ZNF268: variants seen among roughly 807,000 people sequenced by gnomAD.
ZNF268 encodes zinc finger protein 3.
A neutral mutation model predicts 29.3 loss-of-function variants in ZNF268; 20 were observed. The observed-to-expected ratio is 0.68, with a 90% CI of 0.48 to 0.99. ZNF268 has a LOEUF of 0.99. Among genes scored for constraint, ZNF268 ranks in the 50% least tolerant of loss-of-function variants. The pLI is 0.00. For synonymous variants in ZNF268, 429 were observed against 376.9 expected (o/e 1.14, Z -1.60); for missense variants, 1,240 against 1,121.6 (o/e 1.11, Z -1.51).
rs1343948566 is a variant in ZNF268 at position 133,205,175 on chromosome 12, C to CAAAAAAAAAAAAAAAAAAAAAAAAA, written c.*647_*648insAAAAAAAAAAAAAAAAAAAAAAAAA. The CAAAAAAAAAAAAAAAAAAAAAAAAA allele has an allele frequency of 7.3e-4, 16 of 21,790 alleles. No individual in the cohort carries two copies. The highest frequency in any genetic ancestry group is 1.7e-3 in the Non-Finnish European group (13 of 7,764). The allele number at this position is 21,790 out of a possible 1,614,324, so 1.3% of individuals were successfully genotyped here. A position where few individuals can be genotyped will look rare whatever the true frequency, so the allele number is the denominator to read the frequency against. ...AAAAAAAAAAAAAAAAAAAAAAAAC[C>CAAAAAAAAAAAAAAAAAAAAAAAAA]AACCTGTTATTATATCTTAATATTA... is the stretch of plus-strand genomic sequence containing the variant. On this transcript the variant is annotated 3_prime_UTR_variant, in exon 6 of 6. Transcript: ENST00000536435.
intron 5 of ZNF268, among the ~76,000 whole-genome samples, chr12:133,199,830 T>C (rs1015831622): frequency 1.3e-5 from 2 of 152,202 alleles, no homozygotes; most frequent in Non-Finnish European, 2.9e-5. Context: ...CATAGAGGTG[T>C]TTGTAGCATT....
chr12:133,182,515 A>G (rs1385185696), intron 2 of ZNF268, among the ~76,000 whole-genome samples: 2 of 152,184 alleles, frequency 1.3e-5, no homozygotes, highest in African/African-American at 4.8e-5. Flanking sequence ...AAAGACAATG[A>G]CAAGTTAATG....
chr12:133,186,417 C>G (rs1036378879), intron 2 of ZNF268, among the ~76,000 whole-genome samples: 1 of 149,608 alleles, frequency 6.7e-6, no homozygotes, highest in Non-Finnish European at 1.5e-5. Context: ...GAGTCTCACT[C>G]TGTTGCCCAG....
Position 133,203,628 on chromosome 12 carries a change from G to C in ZNF268, c.1942G>C (p.Ala648Pro). ...CTATAGTTGTAATGAATGTGGAAAA[G>C]CCTTTACGTTCAAATCACAGCTCAT... ...KPYSCNECGK[A>P]FTFKSQLIVH... The change falls in exon 6 of 6, where the codon GCC (alanine) becomes CCC (proline). Residue 648 changes from alanine (A) to proline (P), a missense_variant. Transcript: ENST00000536435. 1 of 1,565,330 alleles carries C rather than the reference G, an allele frequency of 6.4e-7. No homozygotes were observed. Among genetic ancestry groups the C allele is most frequent in the Non-Finnish European group, 8.6e-7 (1 of 1,159,234 alleles).
intron 2 of ZNF268, 99 bp from the exon 3 acceptor site, chr12:133,187,773 T>C (rs900452113): frequency 3.3e-6 from 4 of 1,207,386 alleles, no homozygotes. Flanking sequence ...TGCCTTGTTT[T>C]CTAACGTGTT....
intron 3 of ZNF268, among the ~76,000 whole-genome samples, chr12:133,189,249 C>T (rs1185657052): frequency 2.2e-5 from 3 of 136,748 alleles, no homozygotes; most frequent in Non-Finnish European, 3.1e-5. Context: ...GAGTCTTGCT[C>T]TGTCACTCAG....
In ZNF268 at chr12:133,204,560, C is replaced by T; in HGVS notation, c.*30C>T. 3 of 1,425,310 alleles carry T rather than the reference C, an allele frequency of 2.1e-6. No individual in the cohort carries two copies. Among genetic ancestry groups the T allele is most frequent in the Non-Finnish European group, 2.8e-6 (3 of 1,078,822 alleles). The allele number at this position is 1,425,310 out of a possible 1,614,324, so 88.3% of individuals were successfully genotyped here. A position where few individuals can be genotyped will look rare whatever the true frequency, so the allele number is the denominator to read the frequency against. On this transcript the variant is annotated 3_prime_UTR_variant, in exon 6 of 6. Transcript: ENST00000536435. ...TTTACGAAACTCTGAAAAGTGGATT[C>T]ACAAGAGATAGAAACAATCATATAT... is the stretch of plus-strand genomic sequence containing the variant.
At chr12:133,188,984 C>A (rs1021759346) in intron 3 of ZNF268, among the ~76,000 whole-genome samples, 3 of 151,946 alleles carry the variant, frequency 2.0e-5, no homozygotes, top group African/African-American at 4.8e-5. Flanking sequence ...TCATAAAGAT[C>A]TTTTTCTTTA....
intron 5 of ZNF268, 103 bp downstream of exon 5, chr12:133,192,106 A>ATT: frequency 1.3e-6 from 1 of 768,956 alleles, no homozygotes; most frequent in Non-Finnish European, 1.9e-6. Flanking sequence ...ATTACCATGC[A>ATT]CTTTTTTTTT....
rs1957006054 is a variant in ZNF268, at chr12:133,212,641, C to T, written c.*8111C>T. 1 of 151,732 alleles carries T rather than the reference C, an allele frequency of 6.6e-6. No homozygotes were observed. Among genetic ancestry groups the T allele is most frequent in the African/African-American group, 2.4e-5 (1 of 41,246 alleles). The allele number at this position is 151,732 out of a possible 1,614,324, so 9.4% of individuals were successfully genotyped here. ...TTCAGTGGCATGAAGTACATTATTTCCATTATTGTGCAACTATCATTTTAC... is the reference window on the plus strand; with the variant it reads ...TTCAGTGGCATGAAGTACATTATTTTCATTATTGTGCAACTATCATTTTAC... On this transcript the variant is annotated 3_prime_UTR_variant, in exon 6 of 6. Coordinates refer to ENST00000536435, the MANE Select transcript of ZNF268 (RefSeq NM_003415.3).
chr12:133,188,152 T>G (rs1458385393), intron 3 of ZNF268, 80 bp downstream of exon 3: 22 of 1,306,368 alleles, frequency 1.7e-5, no homozygotes, highest in Non-Finnish European at 2.3e-5. Flanking sequence ...TGGAGATCCT[T>G]AGGTCAGAGG....
At chr12:133,190,270 T>C (rs918264304) in intron 3 of ZNF268, among the ~76,000 whole-genome samples, 7 of 152,254 alleles carry the variant, frequency 4.6e-5, no homozygotes, top group African/African-American at 1.4e-4. Flanking sequence ...TTGTCATGTG[T>C]GTCTTCTATT....
chr12:133,204,601 A>C lies in ZNF268; in HGVS notation c.*71A>C. ...AATCATATATAAAGAGAAACTCTGT[A>C]AGTGGAATCATCTTGTCATCTTCCA... On this transcript the variant is annotated 3_prime_UTR_variant, in exon 6 of 6. Transcript: ENST00000536435. 2 of 1,170,184 alleles carry C rather than the reference A, an allele frequency of 1.7e-6. No individual in the cohort carries two copies. The highest frequency in any genetic ancestry group is 2.3e-6 in the Non-Finnish European group (2 of 861,054). The allele number at this position is 1,170,184 out of a possible 1,614,324, so 72.5% of individuals were successfully genotyped here. A position where few individuals can be genotyped will look rare whatever the true frequency, so the allele number is the denominator to read the frequency against.
At position 133,185,784 on chromosome 12, in the gene ZNF268, G is replaced by A. The variant is rs1423626250; in HGVS notation, c.34-2088G>A. Among the ~76,000 whole-genome samples, 4 of 152,324 alleles carry A rather than the reference G, an allele frequency of 2.6e-5. No homozygotes were observed. In the East Asian group the frequency reaches 7.7e-4, roughly 29 times the overall value. On this transcript the variant is annotated intron_variant, in intron 2 of 5. Transcript: ENST00000536435. ...ACTAGGTGACCACGTTCAGACAAGA[G>A]GTAGCAGGGATTTTGTGTAGTGTGG...
At chr12:133,192,398 G>A (rs558472870) in intron 5 of ZNF268, among the ~76,000 whole-genome samples, 10 of 152,090 alleles carry the variant, frequency 6.6e-5, no homozygotes, top group Admixed American at 2.0e-4. Context: ...GTGAGCCAGC[G>A]TGCCCGGCCT....
chr12:133,204,052 T>A lies in ZNF268; in HGVS notation c.2366T>A (p.Phe789Tyr). Residue 789 changes from phenylalanine (F) to tyrosine (Y), a missense_variant, in exon 6 of 6, where the codon TTT (phenylalanine) becomes TAT (tyrosine). Transcript: ENST00000536435. ...PYGCSECGKAFSSKSYLIIHM... is the reference protein window; with the variant it reads ...PYGCSECGKAYSSKSYLIIHM... Reference sequence around the variant, plus strand: ...GGGTGCAGTGAATGTGGGAAAGCTTTTAGCAGCAAGTCATACCTAATTATA... The same window carrying A: ...GGGTGCAGTGAATGTGGGAAAGCTTATAGCAGCAAGTCATACCTAATTATA... The A allele has an allele frequency of 6.4e-7, 1 of 1,565,408 alleles. No homozygotes were observed. Among genetic ancestry groups the A allele is most frequent in the East Asian group, 2.4e-5 (1 of 42,336 alleles).
At position 133,202,966 on chromosome 12, in the gene ZNF268, CAA is replaced by C. The variant is rs767751065; in HGVS notation, c.1282_1283del (p.Lys428ValfsTer19). 1 of 1,547,098 alleles carries C rather than the reference CAA, an allele frequency of 6.5e-7. No individual in the cohort carries two copies. Among genetic ancestry groups the C allele is most frequent in the Admixed American group, 1.9e-5 (1 of 51,460 alleles). On this transcript the variant is annotated frameshift_variant, in exon 6 of 6. Transcript: ENST00000536435. LOFTEE classifies it low-confidence loss of function (END_TRUNC). ...AATGAATGTCAGAAAGCCTTTAATA[CAA>C]AGTCAAACCTTATGGTACATCAGAG...
Position 133,211,281 on chromosome 12 carries a change from C to T in ZNF268, c.*6751C>T. 1 of 349,942 alleles carries T rather than the reference C, an allele frequency of 2.9e-6. No individual in the cohort carries two copies. The highest frequency in any genetic ancestry group is 2.2e-5 in the South Asian group (1 of 45,098). 21.7% of individuals were successfully genotyped at this position (349,942 alleles called of 1,614,324 possible). A position where few individuals can be genotyped will look rare whatever the true frequency, so the allele number is the denominator to read the frequency against. On this transcript the variant is annotated 3_prime_UTR_variant, in exon 6 of 6. Transcript: ENST00000536435. ...GGGGACAGATCCAAATACATACTTT[C>T]CAAAGATATACAGATGGTGGCCAGG...
At chr12:133,193,295 T>C in intron 5 of ZNF268, 1 of 485,914 alleles carries the variant, frequency 2.1e-6, no homozygotes, top group Non-Finnish European at 3.7e-6. Context: ...GTTGTGCCAC[T>C]AGACTCTGGC....
Sources: allele counts gnomAD v4.1 joint callset (sites outside exome capture counted in the v4.1 genomes callset), GRCh38; gene constraint gnomAD v4.1.1; transcripts MANE v1.5; gene names NCBI Gene and HGNC (gene_info 2026-07-23, HGNC 2026-07-21).